Variants in CDH12 observed in about 807,000 individuals in gnomAD.
CDH12 encodes cadherin 12, also known as cadherin-12.
In CDH12, 41 loss-of-function variants were observed where a neutral mutation model predicts 74.1. That is an observed-to-expected ratio of 0.55 (90% CI 0.43 to 0.72). CDH12 has a LOEUF of 0.72. Ranked by LOEUF, CDH12 falls within the 30% of genes least tolerant of loss-of-function variation. The probability of loss-of-function intolerance (pLI) is 0.00; values close to 1 mark genes in which losing one functional copy is unlikely to be tolerated. For missense variants in CDH12, 945 were observed against 977.2 expected, an observed-to-expected ratio of 0.97 and a Z score of 0.44; for synonymous variants, 399 against 355.0, an observed-to-expected ratio of 1.12 and a Z score of -1.39.
chr5:22,506,446 G>A (rs1030139589), intron 1 of CDH12, among the ~76,000 whole-genome samples: 1 of 152,020 alleles, frequency 6.6e-6, no homozygotes, highest in Non-Finnish European at 1.5e-5. Context: ...TTTGGACTTC[G>A]TGAGCTCTTT....
chr5:21,792,379 T>A (rs1746547139), intron 10 of CDH12, among the ~76,000 whole-genome samples: 1 of 151,892 alleles, frequency 6.6e-6, no homozygotes, highest in South Asian at 2.1e-4. Flanking sequence ...GTTTAGATGG[T>A]TTCTATTGCT....
chr5:21,874,477 A>T (rs1561262238), intron 6 of CDH12, among the ~76,000 whole-genome samples: 1 of 152,194 alleles, frequency 6.6e-6, no homozygotes, highest in African/African-American at 2.4e-5. Flanking sequence ...CAAAAACAGG[A>T]GGTAAAGAAA....
intron 1 of CDH12, among the ~76,000 whole-genome samples, chr5:22,735,725 G>A (rs1426494707): frequency 1.3e-5 from 2 of 151,970 alleles, no homozygotes; most frequent in African/African-American, 2.4e-5. Context: ...GTAAAGTTAA[G>A]TGATTTTAAC....
At chr5:22,632,653 G>A (rs1249413637) in intron 1 of CDH12, among the ~76,000 whole-genome samples, 3 of 151,864 alleles carry the variant, frequency 2.0e-5, no homozygotes, top group African/African-American at 7.3e-5. Flanking sequence ...AACTGTAAAG[G>A]TGAACAGCAC....
At chr5:21,984,870 A>G (rs1235702619) in intron 5 of CDH12, among the ~76,000 whole-genome samples, 1 of 152,192 alleles carries the variant, frequency 6.6e-6, no homozygotes, top group Non-Finnish European at 1.5e-5. Flanking sequence ...TTTGCAAATA[A>G]TTTACAAACA....
chr5:22,020,389 A>C (rs1036166599), intron 5 of CDH12, among the ~76,000 whole-genome samples: 2 of 151,946 alleles, frequency 1.3e-5, no homozygotes, highest in African/African-American at 4.8e-5. Flanking sequence ...CCCCGTCTCT[A>C]CTAAAAATAC....
chr5:21,986,559 A>T (rs1757523757), intron 5 of CDH12, among the ~76,000 whole-genome samples: 1 of 152,188 alleles, frequency 6.6e-6, no homozygotes, highest in Non-Finnish European at 1.5e-5. Flanking sequence ...ACATTGTAAA[A>T]CATATTTCAC....
intron 1 of CDH12, among the ~76,000 whole-genome samples, chr5:22,849,025 T>A (rs1294140825): frequency 1.3e-5 from 2 of 152,142 alleles, no homozygotes; most frequent in Non-Finnish European, 2.9e-5. Context: ...GAACCCCTTT[T>A]ACCCCAACGT....
At chr5:22,124,645 C>T (rs1452984014) in intron 4 of CDH12, among the ~76,000 whole-genome samples, 2 of 152,188 alleles carry the variant, frequency 1.3e-5, no homozygotes, top group African/African-American at 2.4e-5. Flanking sequence ...TCTTCCTTTA[C>T]TTACATTTAT....
chr5:22,060,834 C>T (rs142406090), intron 5 of CDH12, among the ~76,000 whole-genome samples: 98 of 152,202 alleles, frequency 6.4e-4, no homozygotes, highest in Middle Eastern at 3.4e-3. Context: ...GAAAATGTCA[C>T]GCTCCGAAAC....
chr5:22,249,010 A>G (rs1171022222), intron 3 of CDH12, among the ~76,000 whole-genome samples: 1 of 152,124 alleles, frequency 6.6e-6, no homozygotes, highest in African/African-American at 2.4e-5. Context: ...TTCTGTAAAT[A>G]CAGTATAAAA....
At chr5:21,805,025 A>G (rs1013940769) in intron 9 of CDH12, among the ~76,000 whole-genome samples, 2 of 152,150 alleles carry the variant, frequency 1.3e-5, no homozygotes, top group African/African-American at 2.4e-5. Context: ...TATGTTAGGT[A>G]TCCTTAACTT....
At chr5:22,694,829 G>T (rs1001081994) in intron 1 of CDH12, among the ~76,000 whole-genome samples, 1 of 151,522 alleles carries the variant, frequency 6.6e-6, no homozygotes, top group East Asian at 1.9e-4. Context: ...ACATATATAT[G>T]TATATAATTT....
intron 3 of CDH12, among the ~76,000 whole-genome samples, chr5:22,354,615 G>C (rs1740487309): frequency 6.6e-6 from 1 of 152,138 alleles, no homozygotes; most frequent in Admixed American, 6.5e-5. Context: ...GGATCTGCTG[G>C]GGAGAAGGGA....
At position 22,266,178 on chromosome 5, in the gene CDH12, C is replaced by A. The variant is rs997667120; in HGVS notation, c.-332-53535G>T. On this transcript the variant is annotated intron_variant, in intron 3 of 14. Coordinates refer to ENST00000382254, the MANE Select transcript of CDH12 (RefSeq NM_004061.5). ...ACAACCTCCGCCTCCCAGGTTCAAGCAATTCTTCTGCCTCAGCCTCCCAAG... is the reference window on the plus strand; with the variant it reads ...ACAACCTCCGCCTCCCAGGTTCAAGAAATTCTTCTGCCTCAGCCTCCCAAG... Among the ~76,000 whole-genome samples the A allele has an allele frequency of 2.6e-5, 4 of 151,910 alleles. No homozygotes were observed. The East Asian group carries it at 7.7e-4, about 29-fold the overall frequency.
chr5:22,770,840 T>C (rs2126308894), intron 1 of CDH12, among the ~76,000 whole-genome samples: 1 of 152,270 alleles, frequency 6.6e-6, no homozygotes, highest in South Asian at 2.1e-4. Context: ...ACTCACATTT[T>C]AGCATTAAAT....
intron 1 of CDH12, among the ~76,000 whole-genome samples, chr5:22,775,856 G>T (rs576957706): frequency 7.9e-5 from 12 of 152,080 alleles, no homozygotes; most frequent in South Asian, 2.1e-4. Context: ...AGGGACCCAG[G>T]GGGGAGGTAA....
At chr5:21,765,418 T>C (rs1370085269) in intron 11 of CDH12, among the ~76,000 whole-genome samples, 2 of 151,960 alleles carry the variant, frequency 1.3e-5, no homozygotes, top group East Asian at 3.9e-4. Context: ...TTTCCCCAGA[T>C]GAAAAATTGT....
chr5:22,067,087 C>T (rs1741613644), intron 5 of CDH12, among the ~76,000 whole-genome samples: 1 of 152,162 alleles, frequency 6.6e-6, no homozygotes, highest in African/African-American at 2.4e-5. Flanking sequence ...GGTATATTAA[C>T]TCTTTAGTCC....
Sources: allele counts gnomAD v4.1 joint callset (sites outside exome capture counted in the v4.1 genomes callset), GRCh38; gene constraint gnomAD v4.1.1; transcripts MANE v1.5; gene names NCBI Gene and HGNC (gene_info 2026-07-23, HGNC 2026-07-21).